Variants in BTBD8 observed in about 807,000 individuals in gnomAD.
BTBD8 encodes the protein BTB domain containing 8.
Under a neutral mutation model 162.9 loss-of-function variants are expected in BTBD8, and 110 were observed. The ratio of observed to expected loss-of-function variants is 0.68; its 90% confidence interval spans 0.58 to 0.79. BTBD8 has a LOEUF of 0.79. Among genes scored for constraint, BTBD8 ranks in the 30% least tolerant of loss-of-function variants. The probability of loss-of-function intolerance (pLI) is 0.00; values close to 1 mark genes in which losing one functional copy is unlikely to be tolerated. For missense variants in BTBD8, 1,905 were observed against 2,085.4 expected (o/e 0.91, Z 1.68); for synonymous variants, 667 against 716.1 (o/e 0.93, Z 1.10).
At chr1:92,092,008 C>T (rs1162098508) in intron 2 of BTBD8, among the ~76,000 whole-genome samples, 1 of 152,090 alleles carries the variant, frequency 6.6e-6, no homozygotes. Flanking sequence ...ATGTTGAAGC[C>T]TTAACCCTCA....
chr1:92,129,686 G>A lies in BTBD8; in HGVS notation c.663-1G>A. The A allele has an allele frequency of 6.2e-7, 1 of 1,613,078 alleles. No homozygotes were observed. The highest frequency in any genetic ancestry group is 8.5e-7 in the Non-Finnish European group (1 of 1,179,204). On this transcript the variant is annotated splice_acceptor_variant, in intron 4 of 17. Transcript: ENST00000636805. LOFTEE classifies it high-confidence loss of function. The stretch of plus-strand genomic sequence containing the variant: ...GTGTTTCTCCCCCCTCTTCCCTTTA[G>A]GGCCATTTTGAGTGCCAGATCTAGT...
intron 2 of BTBD8, among the ~76,000 whole-genome samples, chr1:92,100,151 A>G (rs910168389): frequency 6.6e-6 from 1 of 152,234 alleles, no homozygotes; most frequent in African/African-American, 2.4e-5. Context: ...GATATGGTGT[A>G]TAACATTAAT....
At chr1:92,145,280 T>C (rs1276035839) in intron 7 of BTBD8, among the ~76,000 whole-genome samples, 1 of 152,158 alleles carries the variant, frequency 6.6e-6, no homozygotes, top group Non-Finnish European at 1.5e-5. Context: ...TCAATTTTTT[T>C]AATACTAATA....
Position 92,080,551 on chromosome 1 carries a change from G to T in BTBD8, c.-21G>T. The T allele has an allele frequency of 6.2e-7, 1 of 1,612,222 alleles. No homozygotes were observed. The highest frequency in any genetic ancestry group is 8.5e-7 in the Non-Finnish European group (1 of 1,179,430). On this transcript the variant is annotated 5_prime_UTR_variant, in exon 1 of 18. Transcript: ENST00000636805. ...GTGAGGCCAAGTACTGGGCCTCCAG[G>T]GCGTCGTACCTCTGTGAGACATGGC...
intron 4 of BTBD8, among the ~76,000 whole-genome samples, chr1:92,118,505 T>TGAC (rs112117315): frequency 0.014 from 2,164 of 152,058 alleles, 82 homozygotes; most frequent in African/African-American, 0.048. Context: ...ACCTTGATGA[T>TGAC]GACCTTGTTT....
chr1:92,081,044 T>G (rs1378771333), intron 1 of BTBD8, among the ~76,000 whole-genome samples: 1 of 152,214 alleles, frequency 6.6e-6, no homozygotes, highest in Non-Finnish European at 1.5e-5. Flanking sequence ...GTCGGGTGGA[T>G]CCAGGTCCTG....
At chr1:92,082,356 A>T (rs926799879) in intron 1 of BTBD8, among the ~76,000 whole-genome samples, 1 of 152,226 alleles carries the variant, frequency 6.6e-6, no homozygotes, top group Non-Finnish European at 1.5e-5. Flanking sequence ...CCACGTACCT[A>T]GCCCGGTACT....
At position 92,155,659 on chromosome 1, in the gene BTBD8, T is replaced by C. The variant is rs987745678; in HGVS notation, c.1122+7873T>C. Among the ~76,000 whole-genome samples the C allele has an allele frequency of 4.6e-5, 7 of 152,180 alleles. No individual in the cohort carries two copies. The South Asian group carries it at 1.0e-3, about 22-fold the overall frequency. ...GTAGTTTTTAGCCAAGTCTTTCACCTTCTTAGATAAGTTTATTCTTAAGTA... is the reference window on the plus strand; with the variant it reads ...GTAGTTTTTAGCCAAGTCTTTCACCCTCTTAGATAAGTTTATTCTTAAGTA... On this transcript the variant is annotated intron_variant, in intron 9 of 17. Coordinates refer to ENST00000636805, the MANE Select transcript of BTBD8 (RefSeq NM_001376131.1).
intron 2 of BTBD8, among the ~76,000 whole-genome samples, chr1:92,098,209 A>G (rs1198268534): frequency 6.6e-6 from 1 of 152,166 alleles, no homozygotes; most frequent in Non-Finnish European, 1.5e-5. Flanking sequence ...ATGTTTCCAG[A>G]TATCAGCCAA....
intron 5 of BTBD8, among the ~76,000 whole-genome samples, chr1:92,137,751 T>C (rs901568896): frequency 3.9e-5 from 6 of 152,174 alleles, no homozygotes; most frequent in African/African-American, 1.4e-4. Context: ...GCATATGTAG[T>C]AATGAGAAAT....
At chr1:92,167,606 C>T (rs1650418221) in intron 10 of BTBD8, among the ~76,000 whole-genome samples, 1 of 152,234 alleles carries the variant, frequency 6.6e-6, no homozygotes. Context: ...CACATGTATA[C>T]ATATGTAACA....
At chr1:92,139,269 C>A in intron 5 of BTBD8, 81 bp from the exon 6 acceptor site, 1 of 1,438,952 alleles carries the variant, frequency 6.9e-7, no homozygotes, top group Non-Finnish European at 9.3e-7. Flanking sequence ...CATCTTGGCT[C>A]GAAGTTTATG....
chr1:92,106,007 A>G (rs951503805), intron 3 of BTBD8, among the ~76,000 whole-genome samples: 1 of 152,240 alleles, frequency 6.6e-6, no homozygotes, highest in Non-Finnish European at 1.5e-5. Context: ...GTTTGTTTAC[A>G]TACTAAGGTT....
intron 13 of BTBD8, among the ~76,000 whole-genome samples, chr1:92,176,026 G>A (rs1650700550): frequency 6.6e-6 from 1 of 152,050 alleles, no homozygotes; most frequent in Non-Finnish European, 1.5e-5. Flanking sequence ...TAGCCAGCCA[G>A]TGCTATACTA....
intron 13 of BTBD8, among the ~76,000 whole-genome samples, chr1:92,174,217 G>T (rs1274856336): frequency 2.0e-5 from 3 of 152,006 alleles, no homozygotes; most frequent in East Asian, 1.9e-4. Flanking sequence ...TTGAGACAGG[G>T]TCTCACTCTG....
chr1:92,153,913 A>C (rs1308273023), intron 9 of BTBD8, among the ~76,000 whole-genome samples: 1 of 152,168 alleles, frequency 6.6e-6, no homozygotes, highest in African/African-American at 2.4e-5. Flanking sequence ...TCATGTTGAA[A>C]TGTAATCTCC....
intron 9 of BTBD8, among the ~76,000 whole-genome samples, chr1:92,156,689 T>G (rs891715798): frequency 1.3e-5 from 2 of 152,180 alleles, no homozygotes; most frequent in African/African-American, 4.8e-5. Context: ...GTCTAGGAAT[T>G]TATCCATTTC....
intron 9 of BTBD8, among the ~76,000 whole-genome samples, chr1:92,153,784 G>A (rs1309210982): frequency 6.6e-6 from 1 of 152,104 alleles, no homozygotes; most frequent in African/African-American, 2.4e-5. Context: ...GCTTCCACAT[G>A]TTGGCTATTG....
intron 4 of BTBD8, among the ~76,000 whole-genome samples, chr1:92,114,595 A>G (rs1259586017): frequency 6.6e-6 from 1 of 152,054 alleles, no homozygotes; most frequent in East Asian, 1.9e-4. Flanking sequence ...AAAAATAAAA[A>G]CTATATAGCA....
Sources: gnomAD v4.1 joint callset for allele counts (sites outside exome capture counted in the v4.1 genomes callset) on GRCh38, gnomAD v4.1.1 for gene constraint, MANE v1.5 for transcripts, NCBI Gene and HGNC (gene_info 2026-07-23, HGNC 2026-07-21) for gene names.